Variants in GLB1L observed in about 807,000 individuals in gnomAD.
The protein encoded by GLB1L is galactosidase beta 1 like.
A neutral mutation model predicts 75.7 loss-of-function variants in GLB1L; 58 were observed. The ratio of observed to expected loss-of-function variants is 0.77; its 90% CI spans 0.62 to 0.95. GLB1L has a LOEUF of 0.95. GLB1L is among the 40% of genes least tolerant of loss of function. The probability of loss-of-function intolerance (pLI) is 0.00; values close to 1 mark genes in which losing one functional copy is unlikely to be tolerated. For synonymous variants in GLB1L, 296 were observed against 303.0 expected (o/e 0.98, Z 0.24); for missense variants, 797 against 805.5 (o/e 0.99, Z 0.13).
At chr2:219,241,465 T>TATATATATAC (rs1457421471) in intron 5 of GLB1L, among the ~76,000 whole-genome samples, 9 of 136,514 alleles carry the variant, frequency 6.6e-5, no homozygotes, top group East Asian at 6.5e-4. Flanking sequence ...TATATATATA[T>TATATATATAC]ACATACATAT....
chr2:219,242,566 G>A lies in GLB1L; in HGVS notation c.399C>T (p.Leu133=). Residue 133 remains leucine, a synonymous_variant, in exon 5 of 17, where the codon CTC becomes CTT. Coordinates refer to ENST00000295759, the MANE Select transcript of GLB1L (RefSeq NM_001286423.2). ...YICAEWEMGG[L]PSWLLRKPEI... The stretch of plus-strand genomic sequence containing the variant: ...CAGGTTTTCGAAGCAACCAGGATGG[G>A]AGACCCCCCTGAGACAAACATAAAG... 1 of 1,613,438 alleles carries A rather than the reference G, an allele frequency of 6.2e-7. No individual in the cohort carries two copies. The highest frequency in any genetic ancestry group is 8.5e-7 in the Non-Finnish European group (1 of 1,179,466).
In GLB1L at chr2:219,237,932, T is replaced by C; in HGVS notation, c.1367A>G (p.Asn456Ser). 6.2e-7 allele frequency: 1 copy of C among 1,614,140 alleles called. No homozygotes were observed. Among genetic ancestry groups the C allele is most frequent in the Non-Finnish European group, 8.5e-7 (1 of 1,180,016 alleles). The change falls in exon 15 of 17, where the codon AAT (asparagine) becomes AGT (serine). Residue 456 changes from asparagine (N) to serine (S), a missense_variant. Physicochemically the swap from Asn to Ser is conservative, Grantham distance 46. Transcript: ENST00000295759. ...DGVFQGVVER[N>S]MRDKLFLTGK... ...CGTCAAAAATAGTTTGTCTCTCATA[T>C]TTCGCTCCACAACACCCTGGAACAC...
rs1055505982 is a variant in GLB1L at position 219,242,168 on chromosome 2, T to C, written c.451+346A>G. Among the ~76,000 whole-genome samples the C allele has an allele frequency of 1.8e-4, 28 of 152,250 alleles. 1 individual carries two copies. Among genetic ancestry groups the C allele is most frequent in the African/African-American group, 5.5e-4 (23 of 41,540 alleles). On this transcript the variant is annotated intron_variant, in intron 5 of 16. Coordinates refer to ENST00000295759, the MANE Select transcript of GLB1L (RefSeq NM_001286423.2). ...TCGCCCAGCCAATTTTTTGTATTTTTAGTAGAGATGGGATTTTGCCATGTT... is the reference window on the plus strand; with the variant it reads ...TCGCCCAGCCAATTTTTTGTATTTTCAGTAGAGATGGGATTTTGCCATGTT...
At position 219,239,173 on chromosome 2, in the gene GLB1L, G is replaced by A; in HGVS notation, c.981C>T (p.Thr327=). The part of the protein sequence containing the change: ...DKKGRFLPIT[T]SYDYDAPISE... Reference sequence around the variant, plus strand: ...ATATAGGTGCATCATAGTCATAGCTGGTAGTAATCGGAAGGAAGCGTCCCT... The same window carrying A: ...ATATAGGTGCATCATAGTCATAGCTAGTAGTAATCGGAAGGAAGCGTCCCT... Residue 327 remains threonine, a synonymous_variant, in exon 11 of 17, where the codon ACC becomes ACT. Transcript: ENST00000295759. 1 of 1,613,946 alleles carries A rather than the reference G, an allele frequency of 6.2e-7. No individual in the cohort carries two copies. The highest frequency in any genetic ancestry group is 8.5e-7 in the Non-Finnish European group (1 of 1,179,918).
chr2:219,240,810 G>A, intron 5 of GLB1L, among the ~76,000 whole-genome samples: 1 of 152,086 alleles, frequency 6.6e-6, no homozygotes, highest in Non-Finnish European at 1.5e-5. Context: ...GCCGGGTGTG[G>A]TGGCTCACGC....
At chr2:219,238,147 C>T (rs1183028500) in intron 14 of GLB1L, 103 bp downstream of exon 14, 71 of 1,053,614 alleles carry the variant, frequency 6.7e-5, no homozygotes, top group Non-Finnish European at 3.5e-5. Context: ...CCTCTGCAAA[C>T]GTGAACAGGC....
chr2:219,237,434 G>A (rs1271375558), intron 16 of GLB1L, 78 bp downstream of exon 16: 4 of 1,600,720 alleles, frequency 2.5e-6, no homozygotes, highest in East Asian at 2.2e-5. Flanking sequence ...TCTAATCAGA[G>A]GATACTTTCT....
In GLB1L at chr2:219,239,170, G is replaced by A. The variant is rs1951325342; in HGVS notation, c.984C>T (p.Ser328=). 1 of 1,614,000 alleles carries A rather than the reference G, an allele frequency of 6.2e-7. No homozygotes were observed. Among genetic ancestry groups the A allele is most frequent in the Non-Finnish European group, 8.5e-7 (1 of 1,179,942 alleles). The change falls in exon 11 of 17, where the codon AGC becomes AGT. Residue 328 remains serine (S), a synonymous_variant. Coordinates refer to ENST00000295759, the MANE Select transcript of GLB1L (RefSeq NM_001286423.2). ...CAGATATAGGTGCATCATAGTCATA[G>A]CTGGTAGTAATCGGAAGGAAGCGTC... ...KKGRFLPITT[S]YDYDAPISEA... is the part of the protein sequence containing the mutation.
intron 6 of GLB1L, 26 bp downstream of exon 6, chr2:219,240,165 C>G (rs1951350780): frequency 4.3e-6 from 7 of 1,613,066 alleles, no homozygotes; most frequent in Non-Finnish European, 5.1e-6. Context: ...CCTTCTTCCC[C>G]TGCTCCAGTC....
Position 219,243,532 on chromosome 2 carries a change from C to A in GLB1L, c.42G>T (p.Leu14=). ...GCAGCAGTAGCGTCAGGCTGAGCGG[C>A]AGCAGCAGGGAACGAAGGCAGGACA... The part of the protein sequence containing the change: ...KKLSCLRSLL[L]PLSLTLLLPQ... Residue 14 remains leucine, a synonymous_variant, in exon 2 of 17, where the codon CTG becomes CTT. Transcript: ENST00000295759. 1 of 1,614,222 alleles carries A rather than the reference C, an allele frequency of 6.2e-7. No homozygotes were observed. The highest frequency in any genetic ancestry group is 8.5e-7 in the Non-Finnish European group (1 of 1,180,028).
chr2:219,244,946 T>A (rs1250330359), intron 1 of GLB1L, among the ~76,000 whole-genome samples: 4 of 152,244 alleles, frequency 2.6e-5, no homozygotes, highest in Non-Finnish European at 4.4e-5. Context: ...TTATACCTAT[T>A]TTACAGCTAC....
chr2:219,239,104 A>G lies in GLB1L; in HGVS notation c.1050T>C (p.Asp350=). 6.2e-7 allele frequency: 1 copy of G among 1,608,060 alleles called. No individual in the cohort carries two copies. The highest frequency in any genetic ancestry group is 2.2e-5 in the East Asian group (1 of 44,874). The part of the protein sequence containing the change: ...DPTPKLFALR[D]VISKFQEVPL... ...AATGGTAGGGTACCTTGCTGATGAC[A>G]TCTCGAAGAGCAAAAAGCTTAGGTG... The change falls in exon 11 of 17, where the codon GAT becomes GAC. Residue 350 remains aspartate (D), a synonymous_variant. Coordinates refer to ENST00000295759, the MANE Select transcript of GLB1L (RefSeq NM_001286423.2).
intron 1 of GLB1L, chr2:219,243,846 C>T (rs531651612): frequency 8.1e-5 from 33 of 406,882 alleles, no homozygotes; most frequent in African/African-American, 6.3e-4. Context: ...ATGGCTCACG[C>T]CTGTAATCCC....
At position 219,237,739 on chromosome 2, in the gene GLB1L, GA is replaced by G; in HGVS notation, c.1474-13del. On this transcript the variant is annotated splice_polypyrimidine_tract_variant and intron_variant, in intron 15 of 16. Transcript: ENST00000295759. ...GGCTTCAACAGGCCCTATAGGGAAG[GA>G]AAATGAAAAGTCATCATTCACTAAG... 1 of 1,613,196 alleles carries G rather than the reference GA, an allele frequency of 6.2e-7. No individual in the cohort carries two copies. The highest frequency in any genetic ancestry group is 8.5e-7 in the Non-Finnish European group (1 of 1,179,336).
At position 219,237,924 on chromosome 2, in the gene GLB1L, C is replaced by T; in HGVS notation, c.1375G>A (p.Asp459Asn). The change falls in exon 15 of 17, where the codon GAC (aspartate) becomes AAC (asparagine). Residue 459 changes from aspartate (D) to asparagine (N), a missense_variant. Asp to Asn is a conservative substitution (Grantham distance 23). Transcript: ENST00000295759. ...FQGVVERNMR[D>N]KLFLTGKLGS... ...AGTTTCCCCGTCAAAAATAGTTTGT[C>T]TCTCATATTTCGCTCCACAACACCC... 2 of 1,614,132 alleles carry T rather than the reference C, an allele frequency of 1.2e-6. No individual in the cohort carries two copies. Among genetic ancestry groups the T allele is most frequent in the Non-Finnish European group, 1.7e-6 (2 of 1,180,014 alleles).
chr2:219,242,587 TA>T lies in GLB1L; in HGVS notation c.391-14del. The T allele has an allele frequency of 6.2e-7, 1 of 1,611,040 alleles. No homozygotes were observed. The highest frequency in any genetic ancestry group is 8.5e-7 in the Non-Finnish European group (1 of 1,177,478). On this transcript the variant is annotated splice_polypyrimidine_tract_variant and intron_variant, in intron 4 of 16. Transcript: ENST00000295759. Reference sequence around the variant, plus strand: ...ATGGGAGACCCCCCTGAGACAAACATAAAGAGAACAAAGAAGCATGTAGGTT... The same window carrying T: ...ATGGGAGACCCCCCTGAGACAAACATAAGAGAACAAAGAAGCATGTAGGTT...
rs1951279639 is a variant in GLB1L at position 219,237,517 on chromosome 2, T to C, written c.1684A>G (p.Thr562Ala). ...ACCACCACCATTACCAATACCTTGGTCCATCCAGGTAGATATAGAAATGTG... is the reference window on the plus strand; with the variant it reads ...ACCACCACCATTACCAATACCTTGGCCCATCCAGGTAGATATAGAAATGTG... ...GDTFLYLPGW[T>A]KGQVWINGFN... is the part of the protein sequence containing the mutation. Residue 562 changes from threonine to alanine, a missense_variant, in exon 16 of 17, where the codon ACC becomes GCC. By Grantham distance (58) the Thr-to-Ala change is moderately conservative. Transcript: ENST00000295759. 6 of 1,613,970 alleles carry C rather than the reference T, an allele frequency of 3.7e-6. No individual in the cohort carries two copies. Among genetic ancestry groups the C allele is most frequent in the Non-Finnish European group, 5.1e-6 (6 of 1,179,838 alleles).
intron 4 of GLB1L, 34 bp from the exon 5 acceptor site, chr2:219,242,608 T>C (rs1951418536): frequency 1.3e-6 from 2 of 1,596,982 alleles, no homozygotes. Flanking sequence ...AAGAAGCATG[T>C]AGGTTTTGTT....
At chr2:219,240,411 A>G (rs537364697) in intron 5 of GLB1L, 126 bp from the exon 6 acceptor site, 15 of 796,806 alleles carry the variant, frequency 1.9e-5, no homozygotes, top group Admixed American at 1.1e-4. Flanking sequence ...TTGCACGCCA[A>G]TGAAATTTGA....
Sources: gnomAD v4.1 joint callset for allele counts (sites outside exome capture counted in the v4.1 genomes callset) on GRCh38, gnomAD v4.1.1 for gene constraint, MANE v1.5 for transcripts, NCBI Gene and HGNC (gene_info 2026-07-23, HGNC 2026-07-21) for gene names.